Variants in RAPGEF6 observed in about 807,000 individuals in gnomAD.
RAPGEF6 encodes the protein Rap guanine nucleotide exchange factor 6, also known as PDZ domain containing guanine nucleotide exchange factor (GEF) 2.
A neutral mutation model predicts 171.4 loss-of-function variants in RAPGEF6; 56 were observed. The ratio of observed to expected loss-of-function variants is 0.33; its 90% confidence interval spans 0.26 to 0.41. RAPGEF6 has a LOEUF of 0.41. Among genes scored for constraint, RAPGEF6 ranks in the 10% least tolerant of loss-of-function variants. The probability of loss-of-function intolerance (pLI) is 1.00; values close to 1 mark genes in which losing one functional copy is unlikely to be tolerated. For synonymous variants in RAPGEF6, 692 were observed against 650.1 expected (o/e 1.06, Z -0.98); for missense variants, 1,674 against 1,921.4 (o/e 0.87, Z 2.41).
At chr5:131,596,265 CAGAA>C (rs1344480290) in intron 3 of RAPGEF6, among the ~76,000 whole-genome samples, 6 of 148,280 alleles carry the variant, frequency 4.0e-5, no homozygotes, top group Non-Finnish European at 8.9e-5. Flanking sequence ...TAAAAAGAGA[CAGAA>C]AAGGTGATTA....
At chr5:131,521,590 TC>T in intron 6 of RAPGEF6, 69 bp from the exon 7 acceptor site, 1 of 1,447,236 alleles carries the variant, frequency 6.9e-7, no homozygotes, top group South Asian at 1.4e-5. Flanking sequence ...TTCGACATGT[TC>T]AACAAATTTT....
At chr5:131,517,822 CAA>C (rs1491377013) in intron 7 of RAPGEF6, among the ~76,000 whole-genome samples, 1 of 131,310 alleles carries the variant, frequency 7.6e-6, no homozygotes, top group African/African-American at 2.8e-5. Flanking sequence ...CACACACACA[CAA>C]AATTTAGTTA....
intron 17 of RAPGEF6, chr5:131,469,948 A>C: frequency 8.4e-6 from 5 of 592,142 alleles, no homozygotes; most frequent in South Asian, 3.0e-5. Context: ...AGGTAAGCTC[A>C]AGACCAATAA....
At chr5:131,494,822 G>A (rs929302453) in intron 13 of RAPGEF6, among the ~76,000 whole-genome samples, 5 of 152,104 alleles carry the variant, frequency 3.3e-5, no homozygotes, top group Non-Finnish European at 7.3e-5. Flanking sequence ...ATGGCTGAGA[G>A]AGACCATAAG....
intron 12 of RAPGEF6, among the ~76,000 whole-genome samples, chr5:131,495,925 T>C (rs1164365964): frequency 6.6e-6 from 1 of 152,226 alleles, no homozygotes; most frequent in Non-Finnish European, 1.5e-5. Flanking sequence ...ACACAGAATG[T>C]CTATTTCAGG....
chr5:131,635,094 G>A lies in RAPGEF6; in HGVS notation c.-64C>T. The A allele has an allele frequency of 6.7e-7, 1 of 1,482,836 alleles. No individual in the cohort carries two copies. Among genetic ancestry groups the A allele is most frequent in the South Asian group, 1.3e-5 (1 of 79,278 alleles). 91.9% of individuals were successfully genotyped at this position (1,482,836 alleles called of 1,614,324 possible). ...CCCACGCCACAGTTCATTCACACTAGGTAGCGGGTGCGGTACCTTTCCCCC... is the reference window on the plus strand; with the variant it reads ...CCCACGCCACAGTTCATTCACACTAAGTAGCGGGTGCGGTACCTTTCCCCC... On this transcript the variant is annotated 5_prime_UTR_variant, in exon 1 of 28. Transcript: ENST00000509018.
chr5:131,629,628 C>G (rs1766168538), intron 1 of RAPGEF6, among the ~76,000 whole-genome samples: 1 of 150,814 alleles, frequency 6.6e-6, no homozygotes. Context: ...TGATGGCATG[C>G]ACCTGTAGTA....
intron 1 of RAPGEF6, among the ~76,000 whole-genome samples, chr5:131,624,913 G>C (rs544158467): frequency 6.6e-6 from 1 of 150,782 alleles, no homozygotes; most frequent in African/African-American, 2.4e-5. Flanking sequence ...ACTTGAGGTC[G>C]GGAGTTCGAG....
intron 4 of RAPGEF6, among the ~76,000 whole-genome samples, chr5:131,572,959 A>C (rs943746428): frequency 4.6e-5 from 7 of 152,136 alleles, no homozygotes; most frequent in African/African-American, 1.7e-4. Context: ...AAATGGTCTG[A>C]GGTGCCTTAC....
chr5:131,541,685 G>A (rs1332680627), intron 6 of RAPGEF6, among the ~76,000 whole-genome samples: 1 of 151,836 alleles, frequency 6.6e-6, no homozygotes, highest in Non-Finnish European at 1.5e-5. Flanking sequence ...ACATAGCATT[G>A]GGGAAAAGAA....
chr5:131,431,006 A>G lies in RAPGEF6; in HGVS notation c.4318T>C (p.Ser1440Pro). 1.9e-6 allele frequency: 3 copies of G among 1,614,224 alleles called. No homozygotes were observed. Among genetic ancestry groups the G allele is most frequent in the Non-Finnish European group, 2.5e-6 (3 of 1,180,038 alleles). ...CCATAGTTTGGTTCATACGTGTCAG[A>G]CAGAGAACTGGAGGAGGTCCAACTC... ...RKSWTSSSSLSDTYEPNYGTV... is the reference protein window; with the variant it reads ...RKSWTSSSSLPDTYEPNYGTV... Residue 1440 changes from serine to proline, a missense_variant, in exon 26 of 28, where the codon TCT (serine) becomes CCT (proline). Transcript: ENST00000509018.
At chr5:131,499,581 CAAAAAAAAAA>C (rs375534138) in intron 11 of RAPGEF6, among the ~76,000 whole-genome samples, 3 of 87,548 alleles carry the variant, frequency 3.4e-5, no homozygotes, top group Admixed American at 1.4e-4. Context: ...GACTTTGTCT[CAAAAAAAAAA>C]AAAAAAAAAA....
rs775044047 is a variant in RAPGEF6 at position 131,429,140 on chromosome 5, A to G, written c.4542T>C (p.Ile1514=). Residue 1514 remains isoleucine (I), a synonymous_variant, in exon 27 of 28, where the codon ATT becomes ATC. Transcript: ENST00000509018. Reference sequence around the variant, plus strand: ...GTCCTTCCTTTAGGTCCGCTAAAGAAATCCCCAAATATCCTGGAGGAGTGG... The same window carrying G: ...GTCCTTCCTTTAGGTCCGCTAAAGAGATCCCCAAATATCCTGGAGGAGTGG... ...PPPTPPGYLG[I]SLADLKEGPH... 6.2e-7 allele frequency: 1 copy of G among 1,614,012 alleles called. No individual in the cohort carries two copies. The highest frequency in any genetic ancestry group is 8.5e-7 in the Non-Finnish European group (1 of 1,179,880).
chr5:131,580,809 T>C (rs893978376), intron 4 of RAPGEF6, among the ~76,000 whole-genome samples: 16 of 152,164 alleles, frequency 1.1e-4, no homozygotes, highest in African/African-American at 3.9e-4. Context: ...CAAGGTCTCT[T>C]CTTTTTATGT....
intron 5 of RAPGEF6, among the ~76,000 whole-genome samples, chr5:131,548,695 T>C (rs1760713215): frequency 6.6e-6 from 1 of 152,154 alleles, no homozygotes; most frequent in South Asian, 2.1e-4. Context: ...AAATGGAAAA[T>C]TAACATTTGT....
intron 21 of RAPGEF6, chr5:131,449,989 C>A: frequency 6.6e-7 from 1 of 1,526,530 alleles, no homozygotes; most frequent in African/African-American, 1.4e-5. Context: ...AGTCGCACAA[C>A]CTTCATTCCA....
intron 5 of RAPGEF6, among the ~76,000 whole-genome samples, chr5:131,555,607 A>G (rs1416124922): frequency 1.3e-5 from 2 of 152,006 alleles, no homozygotes; most frequent in Non-Finnish European, 2.9e-5. Flanking sequence ...AATGTATCAT[A>G]CAGAATTTTT....
intron 17 of RAPGEF6, among the ~76,000 whole-genome samples, chr5:131,468,431 A>G (rs1355284467): frequency 6.6e-6 from 1 of 152,024 alleles, no homozygotes; most frequent in Non-Finnish European, 1.5e-5. Context: ...GAAACCTGAT[A>G]TCTAGACTTT....
At chr5:131,495,530 A>G (rs1756586142) in intron 13 of RAPGEF6, 23 bp downstream of exon 13, 4 of 1,593,476 alleles carry the variant, frequency 2.5e-6, no homozygotes, top group Non-Finnish European at 3.4e-6. Context: ...ACTCTGAAGA[A>G]TAGAAATTAT....
Sources: allele counts gnomAD v4.1 joint callset (sites outside exome capture counted in the v4.1 genomes callset), GRCh38; gene constraint gnomAD v4.1.1; transcripts MANE v1.5; gene names NCBI Gene and HGNC (gene_info 2026-07-23, HGNC 2026-07-21).